Variants in AGBL4 observed in about 807,000 individuals in gnomAD.
AGBL4 encodes cytosolic carboxypeptidase 6.
In AGBL4, 58 loss-of-function variants were observed where a neutral mutation model predicts 66.4. The observed-to-expected ratio is 0.87, with a 90% confidence interval of 0.71 to 1.09. The LOEUF is 1.09. AGBL4 is among the 50% of genes least tolerant of loss of function. The probability of loss-of-function intolerance (pLI) is 0.00; values close to 1 mark genes in which losing one functional copy is unlikely to be tolerated. For synonymous variants in AGBL4, 234 were observed against 222.9 expected, an observed-to-expected ratio of 1.05 and a Z score of -0.44; for missense variants, 579 against 631.0, an observed-to-expected ratio of 0.92 and a Z score of 0.88.
At chr1:48,869,282 C>T (rs1648413353) in intron 5 of AGBL4, among the ~76,000 whole-genome samples, 1 of 152,208 alleles carries the variant, frequency 6.6e-6, no homozygotes, top group Non-Finnish European at 1.5e-5. Context: ...CCCACCCACG[C>T]ATGTGGGCTA....
At chr1:49,785,896 AT>A (rs34436284) in intron 2 of AGBL4, among the ~76,000 whole-genome samples, 44,849 of 119,418 alleles carry the variant, frequency 0.38, 8,949 homozygotes, top group Middle Eastern at 0.55. Context: ...AAAAAAAAAT[AT>A]ATATATATAT....
intron 3 of AGBL4, among the ~76,000 whole-genome samples, chr1:49,353,311 C>G (rs1643949436): frequency 6.6e-6 from 1 of 152,166 alleles, no homozygotes; most frequent in South Asian, 2.1e-4. Context: ...TTTAATCAGA[C>G]TTTTGCGGGT....
intron 5 of AGBL4, among the ~76,000 whole-genome samples, chr1:48,997,500 C>G (rs1056006700): frequency 8.5e-5 from 13 of 152,136 alleles, no homozygotes; most frequent in Non-Finnish European, 5.9e-5. Context: ...GAAAAACACG[C>G]AGCATACAAT....
intron 1 of AGBL4, among the ~76,000 whole-genome samples, chr1:49,914,013 T>C (rs1173819434): frequency 6.6e-6 from 1 of 152,200 alleles, no homozygotes; most frequent in Non-Finnish European, 1.5e-5. Flanking sequence ...GCCTTCAAGG[T>C]CTTTCTCCCA....
intron 3 of AGBL4, among the ~76,000 whole-genome samples, chr1:49,339,191 A>G (rs1204179942): frequency 6.6e-6 from 1 of 152,148 alleles, no homozygotes; most frequent in African/African-American, 2.4e-5. Context: ...CAAACTGGCA[A>G]GCAAAGGCGA....
intron 1 of AGBL4, among the ~76,000 whole-genome samples, chr1:49,877,067 A>G (rs1647033385): frequency 6.6e-6 from 1 of 151,602 alleles, no homozygotes; most frequent in Non-Finnish European, 1.5e-5. Context: ...GGCTGAGACG[A>G]TGGGGTTTTC....
intron 4 of AGBL4, among the ~76,000 whole-genome samples, chr1:49,242,999 AG>A (rs1651354657): frequency 6.6e-6 from 1 of 151,394 alleles, no homozygotes; most frequent in Admixed American, 6.6e-5. Context: ...AGGTGAAAAA[AG>A]GGTGTTTTCC....
chr1:49,156,879 T>G (rs1646442102), intron 4 of AGBL4, among the ~76,000 whole-genome samples: 1 of 152,098 alleles, frequency 6.6e-6, no homozygotes, highest in Non-Finnish European at 1.5e-5. Context: ...ATACCATAAA[T>G]AGCAAAGAAC....
At chr1:49,646,139 C>T (rs1024910136) in intron 3 of AGBL4, among the ~76,000 whole-genome samples, 4 of 151,832 alleles carry the variant, frequency 2.6e-5, no homozygotes, top group African/African-American at 9.7e-5. Flanking sequence ...GATGTTATTA[C>T]TTCTATTCAA....
intron 3 of AGBL4, among the ~76,000 whole-genome samples, chr1:49,398,896 C>T (rs1025253092): frequency 6.6e-6 from 1 of 152,144 alleles, no homozygotes; most frequent in South Asian, 2.1e-4. Context: ...TATATTATTT[C>T]TGACTATAGT....
chr1:48,772,018 A>C (rs1288645619), intron 6 of AGBL4, among the ~76,000 whole-genome samples: 1 of 152,134 alleles, frequency 6.6e-6, no homozygotes, highest in Non-Finnish European at 1.5e-5. Flanking sequence ...TATCTCCCCT[A>C]TTTCCCTCTC....
At chr1:49,378,022 TTGTCTCCCAACACAAACTTCATGCCA>T (rs1644507972) in intron 3 of AGBL4, among the ~76,000 whole-genome samples, 4 of 145,636 alleles carry the variant, frequency 2.7e-5, no homozygotes, top group African/African-American at 8.5e-5. Context: ...ACTTCATGCC[TTGTCTCCCAACACAAACTTCATGCCA>T]TGTCTCCCAA....
At chr1:48,980,106 C>G (rs1659625660) in intron 5 of AGBL4, among the ~76,000 whole-genome samples, 1 of 152,100 alleles carries the variant, frequency 6.6e-6, no homozygotes, top group South Asian at 2.1e-4. Context: ...GTCAGACTGT[C>G]CCCAGGTAGA....
intron 1 of AGBL4, among the ~76,000 whole-genome samples, chr1:49,925,239 C>T (rs1652648024): frequency 6.6e-6 from 1 of 152,180 alleles, no homozygotes; most frequent in African/African-American, 2.4e-5. Flanking sequence ...TCACGGGGCC[C>T]TCATTCCAGG....
chr1:49,311,000 C>A (rs1570405844), intron 3 of AGBL4, among the ~76,000 whole-genome samples: 1 of 152,092 alleles, frequency 6.6e-6, no homozygotes, highest in East Asian at 1.9e-4. Flanking sequence ...CACTATATTG[C>A]CTCCAAGGCT....
chr1:48,563,005 C>T (rs1423744408), intron 11 of AGBL4, among the ~76,000 whole-genome samples: 1 of 152,186 alleles, frequency 6.6e-6, no homozygotes, highest in Non-Finnish European at 1.5e-5. Flanking sequence ...TGGGTGATTT[C>T]ACCACTAGGA....
chr1:49,670,901 C>T (rs1646462410), intron 3 of AGBL4, among the ~76,000 whole-genome samples: 1 of 152,138 alleles, frequency 6.6e-6, no homozygotes, highest in African/African-American at 2.4e-5. Flanking sequence ...AACACTTCTA[C>T]TTCAAGAAGC....
intron 9 of AGBL4, among the ~76,000 whole-genome samples, chr1:48,608,971 C>CTTTAT (rs1645195421): frequency 6.6e-6 from 1 of 152,112 alleles, no homozygotes; most frequent in Non-Finnish European, 1.5e-5. Context: ...CGTTATGATC[C>CTTTAT]TCATTTTATT....
At chr1:49,117,017 T>G (rs931496300) in intron 4 of AGBL4, among the ~76,000 whole-genome samples, 4 of 152,208 alleles carry the variant, frequency 2.6e-5, no homozygotes, top group African/African-American at 9.6e-5. Flanking sequence ...CATAAATGTC[T>G]TCTTTTGAGA....
Sources: allele counts gnomAD v4.1 joint callset (sites outside exome capture counted in the v4.1 genomes callset), GRCh38; gene constraint gnomAD v4.1.1; transcripts MANE v1.5; gene names NCBI Gene and HGNC (gene_info 2026-07-23, HGNC 2026-07-21).